NAV3: variants seen among roughly 807,000 people sequenced by gnomAD.
NAV3 encodes pore membrane and/or filament interacting like protein 1.
A neutral mutation model predicts 244.7 loss-of-function variants in NAV3; 87 were observed. The ratio of observed to expected loss-of-function variants is 0.36; its 90% confidence interval spans 0.30 to 0.42. The LOEUF (loss-of-function observed/expected upper bound fraction) is 0.42. Ranked by LOEUF, NAV3 falls within the 20% of genes least tolerant of loss-of-function variation. NAV3 has a pLI of 1.00. For missense variants in NAV3, 2,663 were observed against 2,893.3 expected (o/e 0.92, Z 1.83); for synonymous variants, 1,126 against 1,042.2 (o/e 1.08, Z -1.55).
chr12:78,125,383 TA>T (rs3840779), intron 16 of NAV3, among the ~76,000 whole-genome samples: 39,279 of 152,102 alleles, frequency 0.26, 5,512 homozygotes, highest in East Asian at 0.45. Flanking sequence ...TTAAATAAAA[TA>T]ATAAAATACA....
At chr12:77,837,163 T>C (rs1163985805) in intron 1 of NAV3, among the ~76,000 whole-genome samples, 1 of 151,906 alleles carries the variant, frequency 6.6e-6, no homozygotes, top group Non-Finnish European at 1.5e-5. Context: ...TGAAATTTAA[T>C]GAGCAGATAG....
intron 1 of NAV3, among the ~76,000 whole-genome samples, chr12:77,854,587 ATGTGTGTG>A (rs111504963): frequency 1.6e-5 from 2 of 128,490 alleles, no homozygotes; most frequent in African/African-American, 5.3e-5. Flanking sequence ...GTATGTGTGT[ATGTGTGTG>A]TGTGTGTGTG....
intron 2 of NAV3, among the ~76,000 whole-genome samples, chr12:77,599,808 G>C (rs560430984): frequency 5.3e-5 from 8 of 151,938 alleles, no homozygotes; most frequent in Non-Finnish European, 1.0e-4. Flanking sequence ...ACATATTTGA[G>C]ACACTGTAAA....
At chr12:77,775,779 A>G (rs979597972) in intron 2 of NAV3, 1 of 152,198 alleles carries the variant, frequency 6.6e-6, no homozygotes, top group East Asian at 1.9e-4. Flanking sequence ...ACTAAATATA[A>G]TAAAGCACGA....
intron 7 of NAV3, among the ~76,000 whole-genome samples, chr12:78,002,046 C>G (rs575048398): frequency 6.6e-6 from 1 of 152,256 alleles, no homozygotes; most frequent in African/African-American, 2.4e-5. Context: ...TTGTAGAAAC[C>G]ATGCCATGGT....
intron 1 of NAV3, among the ~76,000 whole-genome samples, chr12:77,929,824 T>C (rs1412053895): frequency 2.9e-5 from 4 of 138,104 alleles, no homozygotes; most frequent in Non-Finnish European, 6.3e-5. Context: ...TTTTTTTGTA[T>C]TTTTAGTAGC....
chr12:77,882,458 G>A (rs184996683), intron 1 of NAV3, among the ~76,000 whole-genome samples: 19 of 152,100 alleles, frequency 1.2e-4, no homozygotes, highest in African/African-American at 3.6e-4. Flanking sequence ...TTAAATGTAA[G>A]GCCTTAAACT....
intron 5 of NAV3, among the ~76,000 whole-genome samples, chr12:77,987,640 G>A (rs939259509): frequency 2.0e-5 from 3 of 151,942 alleles, no homozygotes; most frequent in South Asian, 4.2e-4. Context: ...CCCCATTATA[G>A]GAACTAAGAA....
intron 8 of NAV3, among the ~76,000 whole-genome samples, chr12:78,013,031 C>CA (rs202012722): frequency 0.023 from 3,483 of 151,124 alleles, 64 homozygotes; most frequent in South Asian, 0.088. Context: ...TACACTGGAA[C>CA]AAAAAAAAAT....
At chr12:77,889,287 G>A (rs1483038296) in intron 1 of NAV3, among the ~76,000 whole-genome samples, 4 of 152,188 alleles carry the variant, frequency 2.6e-5, no homozygotes, top group African/African-American at 9.6e-5. Context: ...GACTACTTGA[G>A]CTGAGACATC....
chr12:77,773,621 G>A (rs1870207788), intron 2 of NAV3, among the ~76,000 whole-genome samples: 1 of 151,988 alleles, frequency 6.6e-6, no homozygotes, highest in South Asian at 2.1e-4. Context: ...GATAATGATA[G>A]GACCTATGAA....
chr12:78,014,871 A>G (rs2136702682), intron 8 of NAV3, among the ~76,000 whole-genome samples: 1 of 152,208 alleles, frequency 6.6e-6, no homozygotes, highest in Admixed American at 6.6e-5. Context: ...GGCATAATTG[A>G]CTATCAGTAA....
intron 1 of NAV3, among the ~76,000 whole-genome samples, chr12:77,905,321 A>G (rs1198189622): frequency 1.3e-5 from 2 of 152,128 alleles, no homozygotes; most frequent in Non-Finnish European, 2.9e-5. Flanking sequence ...CATTCTTTAT[A>G]TCATCAGTGA....
intron 3 of NAV3, among the ~76,000 whole-genome samples, chr12:77,963,988 C>T (rs1432532655): frequency 7.0e-6 from 1 of 143,252 alleles, no homozygotes; most frequent in Non-Finnish European, 1.6e-5. Flanking sequence ...CTCCTCCCTC[C>T]TCCTCCCTCC....
chr12:78,022,273 C>T (rs923085279), intron 9 of NAV3, among the ~76,000 whole-genome samples: 9 of 151,964 alleles, frequency 5.9e-5, no homozygotes, highest in African/African-American at 1.7e-4. Flanking sequence ...CTAAAAAACT[C>T]TGAAAAGGAA....
intron 5 of NAV3, among the ~76,000 whole-genome samples, chr12:77,990,856 A>T (rs1337915222): frequency 2.6e-5 from 4 of 152,096 alleles, no homozygotes; most frequent in Non-Finnish European, 5.9e-5. Context: ...CATTTGTCCT[A>T]TTGAGTGCTC....
At chr12:77,699,975 C>T (rs1875488805) in intron 2 of NAV3, among the ~76,000 whole-genome samples, 1 of 152,088 alleles carries the variant, frequency 6.6e-6, no homozygotes, top group Non-Finnish European at 1.5e-5. Flanking sequence ...GAAATTCTGA[C>T]CCAGCCAGTT....
At chr12:78,152,776 G>A (rs917039740) in intron 22 of NAV3, among the ~76,000 whole-genome samples, 2 of 151,866 alleles carry the variant, frequency 1.3e-5, no homozygotes, top group Admixed American at 1.3e-4. Flanking sequence ...ATATAATCAA[G>A]GATTTTTTAA....
chr12:78,107,159 G>T (rs1261652377), intron 12 of NAV3, among the ~76,000 whole-genome samples: 1 of 152,138 alleles, frequency 6.6e-6, no homozygotes, highest in Non-Finnish European at 1.5e-5. Context: ...CCAGAAGAAA[G>T]AATCTCAGAA....
Sources: gnomAD v4.1 joint callset for allele counts (sites outside exome capture counted in the v4.1 genomes callset) on GRCh38, gnomAD v4.1.1 for gene constraint, MANE v1.5 for transcripts, NCBI Gene and HGNC (gene_info 2026-07-23, HGNC 2026-07-21) for gene names.